POU6F2: variants seen among roughly 807,000 people sequenced by gnomAD.
The protein encoded by POU6F2 is POU class 6 homeobox 2, also known as POU domain, class 6, transcription factor 2.
POU6F2 carries 31 observed loss-of-function variants against 71.3 expected under a neutral mutation model. The ratio of observed to expected loss-of-function variants is 0.43; its 90% CI spans 0.33 to 0.59. The LOEUF (loss-of-function observed/expected upper bound fraction) is 0.59. Among genes scored for constraint, POU6F2 ranks in the 20% least tolerant of loss-of-function variants. The pLI is 0.04. For synonymous variants in POU6F2, 347 were observed against 355.7 expected (o/e 0.98, Z 0.27); for missense variants, 783 against 856.8 (o/e 0.91, Z 1.07).
Position 39,085,905 on chromosome 7 carries a change from C to T in POU6F2, c.151C>T (p.Arg51Trp). 3.1e-6 allele frequency: 5 copies of T among 1,613,188 alleles called. No individual in the cohort carries two copies. Among genetic ancestry groups the T allele is most frequent in the Non-Finnish European group, 3.4e-6 (4 of 1,179,574 alleles). ...AGTCAGTAAGCCCTTGCTGTCAGTG[C>T]GGAGTGAAATGAATGCGGAGTTGAG... ...GQVSKPLLSV[R>W]SEMNAELRGE... The change falls in exon 2 of 10, where the codon CGG becomes TGG. Residue 51 changes from arginine to tryptophan, a missense_variant. Transcript: ENST00000518318.
At chr7:39,214,587 G>A (rs1043993203) in intron 4 of POU6F2, among the ~76,000 whole-genome samples, 4 of 152,168 alleles carry the variant, frequency 2.6e-5, no homozygotes, top group African/African-American at 9.7e-5. Context: ...GTCTGACTCT[G>A]CCCCTAGAAT....
At chr7:39,108,528 C>T (rs1584546351) in intron 2 of POU6F2, among the ~76,000 whole-genome samples, 1 of 152,296 alleles carries the variant, frequency 6.6e-6, no homozygotes, top group East Asian at 1.9e-4. Context: ...CTGGGGTACC[C>T]TGTGCCACAT....
chr7:39,039,243 A>C (rs1790128089), intron 1 of POU6F2, among the ~76,000 whole-genome samples: 2 of 152,028 alleles, frequency 1.3e-5, no homozygotes, highest in African/African-American at 4.8e-5. Context: ...TGGCAGATAC[A>C]AGAGGTTATA....
intron 1 of POU6F2, among the ~76,000 whole-genome samples, chr7:39,061,372 C>T (rs914492395): frequency 1.3e-5 from 2 of 152,050 alleles, no homozygotes; most frequent in African/African-American, 4.8e-5. Context: ...GATACAGTAT[C>T]AAAATCTGAC....
intron 1 of POU6F2, among the ~76,000 whole-genome samples, chr7:39,014,564 C>G (rs1473793011): frequency 1.3e-5 from 2 of 152,204 alleles, no homozygotes; most frequent in East Asian, 1.9e-4. Context: ...AGTCTTAATT[C>G]ACCTGATAAA....
chr7:39,350,184 G>T (rs1583543388), intron 5 of POU6F2, among the ~76,000 whole-genome samples: 1 of 152,102 alleles, frequency 6.6e-6, no homozygotes. Context: ...TCATAAAAAA[G>T]AAGTAAAGTT....
At chr7:39,452,983 T>G (rs1279339026) in intron 8 of POU6F2, among the ~76,000 whole-genome samples, 1 of 152,150 alleles carries the variant, frequency 6.6e-6, no homozygotes, top group Non-Finnish European at 1.5e-5. Context: ...TCCCAGCTAC[T>G]CAGGGCGCTG....
chr7:39,310,371 T>G (rs915265246), intron 4 of POU6F2, among the ~76,000 whole-genome samples: 5 of 152,210 alleles, frequency 3.3e-5, no homozygotes. Flanking sequence ...TATTGATTTA[T>G]ACACAAATAT....
chr7:39,393,087 A>C (rs558377733), intron 5 of POU6F2, among the ~76,000 whole-genome samples: 53 of 152,296 alleles, frequency 3.5e-4, no homozygotes, highest in Non-Finnish European at 6.9e-4. Flanking sequence ...ACAACAATAC[A>C]AAAACTTTTT....
intron 2 of POU6F2, among the ~76,000 whole-genome samples, chr7:39,186,886 GA>G (rs1793551068): frequency 6.6e-6 from 1 of 152,174 alleles, no homozygotes; most frequent in Non-Finnish European, 1.5e-5. Context: ...CTAATGCTCA[GA>G]ATCTCAGTAT....
At chr7:39,265,285 C>G (rs892094171) in intron 4 of POU6F2, among the ~76,000 whole-genome samples, 1 of 152,134 alleles carries the variant, frequency 6.6e-6, no homozygotes, top group Non-Finnish European at 1.5e-5. Context: ...AAGCACAGGA[C>G]TACCCACCCA....
At chr7:39,264,231 G>A (rs1784199403) in intron 4 of POU6F2, among the ~76,000 whole-genome samples, 1 of 152,186 alleles carries the variant, frequency 6.6e-6, no homozygotes, top group African/African-American at 2.4e-5. Flanking sequence ...TGTCCATAAA[G>A]CTCTTAGAAT....
chr7:39,151,682 G>C (rs1279067841), intron 2 of POU6F2, among the ~76,000 whole-genome samples: 1 of 152,084 alleles, frequency 6.6e-6, no homozygotes, highest in East Asian at 1.9e-4. Flanking sequence ...CAGATATATG[G>C]CTTCTGAAAT....
rs965080830 is a variant in POU6F2, at chr7:39,415,080, A to G, written c.1113+8340A>G. The stretch of plus-strand genomic sequence containing the variant: ...CTCTTGTTGCCTAGGCTGGAGTGCA[A>G]TGGCATAATCTCGGCTCACTGCAAC... On this transcript the variant is annotated intron_variant, in intron 6 of 9. Transcript: ENST00000518318. Among the ~76,000 whole-genome samples the G allele has an allele frequency of 2.6e-5, 4 of 152,014 alleles. 1 individual carries two copies. The South Asian group carries it at 6.2e-4, about 24-fold the overall frequency.
intron 2 of POU6F2, among the ~76,000 whole-genome samples, chr7:39,190,774 A>G (rs188957861): frequency 2.0e-5 from 3 of 150,798 alleles, no homozygotes; most frequent in African/African-American, 7.3e-5. Flanking sequence ...AGTAGCTGGG[A>G]TTACAGGCAT....
At chr7:39,347,284 T>C (rs1562798681) in intron 5 of POU6F2, among the ~76,000 whole-genome samples, 1 of 151,930 alleles carries the variant, frequency 6.6e-6, no homozygotes, top group Non-Finnish European at 1.5e-5. Flanking sequence ...AAAAAGCAAA[T>C]AGTCACAGGA....
chr7:39,311,365 C>T (rs1249420401), intron 4 of POU6F2, among the ~76,000 whole-genome samples: 1 of 151,986 alleles, frequency 6.6e-6, no homozygotes, highest in Non-Finnish European at 1.5e-5. Context: ...TTCTCATCAC[C>T]TCACCCTGCC....
At chr7:39,233,802 A>G (rs1794622038) in intron 4 of POU6F2, among the ~76,000 whole-genome samples, 1 of 152,190 alleles carries the variant, frequency 6.6e-6, no homozygotes, top group African/African-American at 2.4e-5. Flanking sequence ...AGAGTCTTTC[A>G]GAAAGTGTAA....
chr7:39,262,719 T>G (rs1784160199), intron 4 of POU6F2, among the ~76,000 whole-genome samples: 1 of 147,582 alleles, frequency 6.8e-6, no homozygotes, highest in African/African-American at 2.6e-5. Context: ...TGCATTTTAT[T>G]TATAGCATAG....
Sources: gnomAD v4.1 joint callset for allele counts (sites outside exome capture counted in the v4.1 genomes callset) on GRCh38, gnomAD v4.1.1 for gene constraint, MANE v1.5 for transcripts, NCBI Gene and HGNC (gene_info 2026-07-23, HGNC 2026-07-21) for gene names.